Variants in HIVEP2 observed in about 807,000 individuals in gnomAD.
HIVEP2 encodes the protein transcription factor HIVEP2.
A neutral mutation model predicts 180.7 loss-of-function variants in HIVEP2; 14 were observed. The ratio of observed to expected loss-of-function variants is 0.08; its 90% CI spans 0.05 to 0.12. The LOEUF (loss-of-function observed/expected upper bound fraction) is 0.12. HIVEP2 is among the 10% of genes least tolerant of loss of function. The pLI is 1.00. For synonymous variants in HIVEP2, 1,184 were observed against 1,136.4 expected (o/e 1.04, Z -0.84); for missense variants, 2,579 against 3,008.5 (o/e 0.86, Z 3.34).
At chr6:142,754,471 CA>C (rs1438116183) in intron 9 of HIVEP2, among the ~76,000 whole-genome samples, 5 of 152,060 alleles carry the variant, frequency 3.3e-5, no homozygotes, top group African/African-American at 7.2e-5. Context: ...GAACAGATGA[CA>C]AAACAGTGGT....
intron 2 of HIVEP2, among the ~76,000 whole-genome samples, chr6:142,819,135 G>A (rs567745156): frequency 1.1e-4 from 16 of 152,120 alleles, no homozygotes; most frequent in Non-Finnish European, 2.2e-4. Flanking sequence ...TTGGGAGGCT[G>A]AGGCAGGAGG....
In HIVEP2 at chr6:142,760,662, A is replaced by G; in HGVS notation, c.5626T>C (p.Leu1876=). 1 of 1,587,708 alleles carries G rather than the reference A, an allele frequency of 6.3e-7. No homozygotes were observed. Among genetic ancestry groups the G allele is most frequent in the Non-Finnish European group, 8.6e-7 (1 of 1,167,690 alleles). Reference sequence around the variant, plus strand: ...TCTGCTGCTTTGTGCAAATCTTCCAAATTTTCTGAAACAATTAAACAAAGA... The same window carrying G: ...TCTGCTGCTTTGTGCAAATCTTCCAGATTTTCTGAAACAATTAAACAAAGA... ...DDTETEEAEN[L]EDLHKAAEKH... The change falls in exon 9 of 10, where the codon TTG becomes CTG. Residue 1876 remains leucine (L), a synonymous_variant. Coordinates refer to ENST00000367603, the MANE Select transcript of HIVEP2 (RefSeq NM_006734.4).
At chr6:142,882,073 CAG>C (rs1172059564) in intron 1 of HIVEP2, among the ~76,000 whole-genome samples, 1 of 152,176 alleles carries the variant, frequency 6.6e-6, no homozygotes, top group African/African-American at 2.4e-5. Flanking sequence ...TATACGAGGT[CAG>C]AGCCTTTCAG....
At chr6:142,826,211 C>T (rs1032344188) in intron 2 of HIVEP2, among the ~76,000 whole-genome samples, 8 of 151,994 alleles carry the variant, frequency 5.3e-5, no homozygotes, top group Non-Finnish European at 8.8e-5. Context: ...GAGAAATTTC[C>T]GCTATGTGTA....
At position 142,774,053 on chromosome 6, in the gene HIVEP2, T is replaced by C; in HGVS notation, c.686A>G (p.Lys229Arg). 1 of 1,614,240 alleles carries C rather than the reference T, an allele frequency of 6.2e-7. No individual in the cohort carries two copies. ...CTTCCTGTGCTTGTACAAATTGCTCTTTGTCTTGAAAGAGAAACCACAAGG... is the reference window on the plus strand; with the variant it reads ...CTTCCTGTGCTTGTACAAATTGCTCCTTGTCTTGAAAGAGAAACCACAAGG... ...CIPCGFSFKT[K>R]SNLYKHRKSH... is the part of the protein sequence containing the mutation. The change falls in exon 5 of 10, where the codon AAG becomes AGG. Residue 229 changes from lysine (K) to arginine (R), a missense_variant. Lys to Arg is a conservative substitution (Grantham distance 26). Around this residue, in one of 11 missense-constraint regions of HIVEP2, gnomAD observed 26 missense variants for 76.9 expected, o/e 0.34. Transcript: ENST00000367603. This position sits in a 1 kb window ranked among gnomAD's most constrained non-coding sequence, Gnocchi z 5.1.
intron 1 of HIVEP2, among the ~76,000 whole-genome samples, chr6:142,849,739 A>T (rs1409862823): frequency 6.6e-6 from 1 of 151,998 alleles, no homozygotes; most frequent in Non-Finnish European, 1.5e-5. Context: ...GGCTGGTCTC[A>T]AACTCCTGGG....
At chr6:142,881,118 C>T (rs1169916141) in intron 1 of HIVEP2, among the ~76,000 whole-genome samples, 1 of 152,094 alleles carries the variant, frequency 6.6e-6, no homozygotes, top group African/African-American at 2.4e-5. Context: ...AAGCTTGTTC[C>T]CTCAGGAGGG....
intron 2 of HIVEP2, among the ~76,000 whole-genome samples, chr6:142,790,034 T>C (rs1349268980): frequency 6.6e-6 from 1 of 152,176 alleles, no homozygotes; most frequent in African/African-American, 2.4e-5. Context: ...TTACAACCAA[T>C]TTTCAGTATA....
chr6:142,809,061 A>G (rs1262092197), intron 2 of HIVEP2, among the ~76,000 whole-genome samples: 1 of 152,126 alleles, frequency 6.6e-6, no homozygotes, highest in African/African-American at 2.4e-5. Flanking sequence ...TACGTGCTTA[A>G]GATATCACAG....
rs923062154 is a variant in HIVEP2 at position 142,772,148 on chromosome 6, G to A, written c.2591C>T (p.Ser864Phe). 6.2e-7 allele frequency: 1 copy of A among 1,614,092 alleles called. No individual in the cohort carries two copies. Among genetic ancestry groups the A allele is most frequent in the African/African-American group, 1.3e-5 (1 of 74,924 alleles). ...GDGAESGGKP[S>F]PSQQVQQQSY... ...CTGCTGCTGCACCTGCTGAGATGGA[G>A]AGGGTTTCCCCCCACTTTCTGCACC... is the stretch of plus-strand genomic sequence containing the variant. The change falls in exon 5 of 10, where the codon TCT becomes TTT. Residue 864 changes from serine (S) to phenylalanine (F), a missense_variant. By Grantham distance (155) the Ser-to-Phe change is radical. Coordinates refer to ENST00000367603, the MANE Select transcript of HIVEP2 (RefSeq NM_006734.4). This position sits in a 1 kb window ranked among gnomAD's most constrained non-coding sequence, Gnocchi z 4.9.
intron 1 of HIVEP2, among the ~76,000 whole-genome samples, chr6:142,908,965 T>C (rs1169257698): frequency 1.3e-4 from 19 of 151,688 alleles, no homozygotes; most frequent in Non-Finnish European, 1.3e-4. Context: ...TTGTAGAATA[T>C]CAAAAATAAC....
intron 2 of HIVEP2, among the ~76,000 whole-genome samples, chr6:142,812,386 G>A (rs960983685): frequency 3.9e-5 from 6 of 152,156 alleles, no homozygotes; most frequent in African/African-American, 1.4e-4. Flanking sequence ...ACTAAGAAAG[G>A]TCTTGCCTTG....
At chr6:142,839,293 C>T (rs1240959408) in intron 1 of HIVEP2, among the ~76,000 whole-genome samples, 9 of 152,062 alleles carry the variant, frequency 5.9e-5, no homozygotes, top group Admixed American at 4.6e-4. Flanking sequence ...TGCAACACCT[C>T]AAATAATTTT....
rs766314719 is a variant in HIVEP2, at chr6:142,818,733, AAAAGAAAGAAAGAAAGAAAGAAAG to A, written c.-528+18178_-528+18201del. Among the ~76,000 whole-genome samples the A allele has an allele frequency of 5.0e-4, 21 of 41,788 alleles. No individual in the cohort carries two copies. The East Asian group carries it at 8.6e-3, about 17-fold the overall frequency. 27.4% of individuals were successfully genotyped at this position (41,788 alleles called of 152,430 possible). On this transcript the variant is annotated intron_variant, in intron 2 of 9. Transcript: ENST00000367603. Reference sequence around the variant, plus strand: ...AAAGAAAGAAAGAAAAGAAAGAAAGAAAAGAAAGAAAGAAAGAAAGAAAGAAAGAAAGAAAGAAAGAAAGAAAGA... The same window carrying A: ...AAAGAAAGAAAGAAAAGAAAGAAAGAAAAGAAAGAAAGAAAGAAAGAAAGA...
intron 2 of HIVEP2, among the ~76,000 whole-genome samples, chr6:142,793,644 C>CTTT (rs1480019164): frequency 5.5e-4 from 19 of 34,300 alleles, no homozygotes; most frequent in Non-Finnish European, 8.0e-4. Flanking sequence ...TTCTTTCTTT[C>CTTT]TTTCTTTCTT....
intron 2 of HIVEP2, among the ~76,000 whole-genome samples, chr6:142,786,614 T>G (rs1465120942): frequency 6.6e-6 from 1 of 152,244 alleles, no homozygotes; most frequent in Non-Finnish European, 1.5e-5. Flanking sequence ...AAAAAAATCC[T>G]TGGCATTAGT....
At chr6:142,783,336 A>T (rs1158487977) in intron 3 of HIVEP2, among the ~76,000 whole-genome samples, 185 bp downstream of exon 3, 2 of 98,226 alleles carry the variant, frequency 2.0e-5, no homozygotes, top group Non-Finnish European at 4.5e-5. Flanking sequence ...CAAAAAAAAA[A>T]AAAAAAAAAA....
chr6:142,812,735 AAAGAAT>A (rs1562245979), intron 2 of HIVEP2, among the ~76,000 whole-genome samples: 4 of 152,366 alleles, frequency 2.6e-5, no homozygotes, highest in South Asian at 4.1e-4. Context: ...TCCAGAAACT[AAAGAAT>A]GGCTGTGTTA....
chr6:142,944,859 A>G (rs1481108417), intron 1 of HIVEP2: 3 of 152,080 alleles, frequency 2.0e-5, no homozygotes, highest in Non-Finnish European at 4.4e-5. Flanking sequence ...CAGCCGGTGC[A>G]CCCGCAAGGC....
Sources: allele counts gnomAD v4.1 joint callset (sites outside exome capture counted in the v4.1 genomes callset), GRCh38; gene constraint gnomAD v4.1.1; regional missense constraint gnomAD v4.1.1; non-coding constraint Gnocchi (gnomAD v3.1); transcripts MANE v1.5; gene names NCBI Gene and HGNC (gene_info 2026-07-23, HGNC 2026-07-21).